FANCC: variants seen among roughly 807,000 people sequenced by gnomAD.
FANCC encodes the protein FA complementation group C.
FANCC carries 55 observed loss-of-function variants against 71.3 expected under a neutral mutation model. The observed-to-expected ratio is 0.77, with a 90% CI of 0.62 to 0.97. FANCC has a LOEUF of 0.97. FANCC is among the 50% of genes least tolerant of loss of function. The pLI, the probability that FANCC is intolerant of heterozygous loss-of-function variation, is 0.00. For synonymous variants in FANCC, 275 were observed against 244.9 expected (o/e 1.12, Z -1.15); for missense variants, 678 against 670.9 (o/e 1.01, Z -0.12).
At chr9:95,182,043 G>A (rs1826406227) in intron 4 of FANCC, among the ~76,000 whole-genome samples, 1 of 152,204 alleles carries the variant, frequency 6.6e-6, no homozygotes, top group African/African-American at 2.4e-5. Context: ...TGGAGGAAGG[G>A]TTGTGGGTTT....
intron 8 of FANCC, among the ~76,000 whole-genome samples, chr9:95,128,908 C>T (rs1217688397): frequency 2.0e-5 from 3 of 150,086 alleles, no homozygotes; most frequent in African/African-American, 7.5e-5. Context: ...AAACCAGTCT[C>T]CTTTTTTTTT....
At chr9:95,263,518 C>CTA (rs1005638700) in intron 1 of FANCC, among the ~76,000 whole-genome samples, 13 of 140,382 alleles carry the variant, frequency 9.3e-5, no homozygotes, top group Non-Finnish European at 1.2e-4. Context: ...ATATATATAT[C>CTA]TATATATATA....
intron 3 of FANCC, among the ~76,000 whole-genome samples, chr9:95,242,311 A>C (rs903612056): frequency 6.6e-6 from 1 of 152,156 alleles, no homozygotes; most frequent in Non-Finnish European, 1.5e-5. Context: ...CCACTAATTA[A>C]AAATGTGACT....
At chr9:95,103,103 C>T (rs889201022) in intron 14 of FANCC, among the ~76,000 whole-genome samples, 1 of 152,082 alleles carries the variant, frequency 6.6e-6, no homozygotes, top group Non-Finnish European at 1.5e-5. Flanking sequence ...TGCTGTGGAC[C>T]CCTTTCAGTT....
intron 4 of FANCC, among the ~76,000 whole-genome samples, chr9:95,209,637 T>C (rs779976254): frequency 4.5e-4 from 68 of 152,334 alleles, no homozygotes; most frequent in Middle Eastern, 6.8e-3. Flanking sequence ...TTTCAGTAAA[T>C]GGCAACTTGA....
intron 12 of FANCC, chr9:95,114,265 C>A: frequency 5.7e-6 from 2 of 353,412 alleles, no homozygotes; most frequent in Non-Finnish European, 1.1e-5. Flanking sequence ...CAAACAAGTG[C>A]CCTTTCCCTT....
chr9:95,290,609 A>C (rs934512596), intron 1 of FANCC, among the ~76,000 whole-genome samples: 3 of 152,212 alleles, frequency 2.0e-5, no homozygotes, highest in African/African-American at 7.2e-5. Flanking sequence ...TCAGTCCAAC[A>C]AGACCTCTGG....
intron 4 of FANCC, among the ~76,000 whole-genome samples, chr9:95,201,227 A>T (rs913312897): frequency 1.3e-5 from 2 of 152,080 alleles, no homozygotes; most frequent in African/African-American, 4.8e-5. Flanking sequence ...TTTTTGCACA[A>T]ATCAAGAGGG....
intron 1 of FANCC, among the ~76,000 whole-genome samples, chr9:95,299,751 C>T (rs1168097939): frequency 6.6e-6 from 1 of 152,134 alleles, no homozygotes; most frequent in Admixed American, 6.5e-5. Flanking sequence ...GTTCCAGCTA[C>T]ACGGGAGGCT....
At chr9:95,173,594 T>C (rs908377280) in intron 4 of FANCC, among the ~76,000 whole-genome samples, 9 of 152,196 alleles carry the variant, frequency 5.9e-5, no homozygotes, top group Non-Finnish European at 1.3e-4. Flanking sequence ...AATATGCTTA[T>C]ATAGTGGCTC....
intron 13 of FANCC, among the ~76,000 whole-genome samples, chr9:95,108,424 G>A (rs910642616): frequency 6.6e-6 from 1 of 152,190 alleles, no homozygotes; most frequent in African/African-American, 2.4e-5. Flanking sequence ...AGGAGGCTAT[G>A]CCTTTATATC....
At chr9:95,299,252 A>G (rs1419188100) in intron 1 of FANCC, among the ~76,000 whole-genome samples, 10 of 152,372 alleles carry the variant, frequency 6.6e-5, no homozygotes, top group Admixed American at 6.5e-4. Flanking sequence ...GTAATGAGCA[A>G]TAAGAAAACT....
chr9:95,268,059 G>C (rs111308702), intron 1 of FANCC, among the ~76,000 whole-genome samples: 574 of 152,350 alleles, frequency 3.8e-3, no homozygotes, highest in Non-Finnish European at 7.1e-3. Context: ...GAATGGGTCA[G>C]ATCAGCACAT....
intron 10 of FANCC, among the ~76,000 whole-genome samples, chr9:95,120,854 G>T (rs555013805): frequency 6.6e-6 from 1 of 152,226 alleles, no homozygotes; most frequent in African/African-American, 2.4e-5. Context: ...TTTGACATTG[G>T]TTTTCTTTTT....
intron 4 of FANCC, among the ~76,000 whole-genome samples, chr9:95,234,833 C>T (rs1473517126): frequency 2.0e-5 from 3 of 152,160 alleles, no homozygotes; most frequent in Non-Finnish European, 2.9e-5. Context: ...GAAGAGGTGA[C>T]GTTTCAGTCT....
intron 1 of FANCC, among the ~76,000 whole-genome samples, chr9:95,256,575 G>A (rs1347277022): frequency 6.6e-5 from 10 of 152,066 alleles, no homozygotes; most frequent in South Asian, 6.2e-4. Context: ...ACCAGCCACC[G>A]CAAAAAAATA....
chr9:95,217,366 T>G (rs1828934711), intron 4 of FANCC, among the ~76,000 whole-genome samples: 1 of 151,596 alleles, frequency 6.6e-6, no homozygotes, highest in African/African-American at 2.4e-5. Flanking sequence ...GCGCCTGTGG[T>G]CCCAGCTACT....
intron 1 of FANCC, among the ~76,000 whole-genome samples, chr9:95,297,210 T>C (rs1834435454): frequency 6.6e-6 from 1 of 152,176 alleles, no homozygotes; most frequent in Non-Finnish European, 1.5e-5. Flanking sequence ...AGGCAATTGT[T>C]TAGAATCCTG....
chr9:95,158,557 CAAG>C (rs1830570632), intron 6 of FANCC, among the ~76,000 whole-genome samples: 1 of 152,062 alleles, frequency 6.6e-6, no homozygotes, highest in Admixed American at 6.5e-5. Flanking sequence ...TTACTATTAT[CAAG>C]AATACAGCAA....
Sources: allele counts gnomAD v4.1 joint callset (sites outside exome capture counted in the v4.1 genomes callset), GRCh38; gene constraint gnomAD v4.1.1; transcripts MANE v1.5; gene names NCBI Gene and HGNC (gene_info 2026-07-23, HGNC 2026-07-21).